The following ARPC1B variants were observed in gnomAD, a reference collection of about 807,000 sequenced individuals.
ARPC1B encodes the protein actin-related protein 2/3 complex subunit 1B.
A neutral mutation model predicts 46.0 loss-of-function variants in ARPC1B; 29 were observed. The ratio of observed to expected loss-of-function variants is 0.63; its 90% CI spans 0.47 to 0.86. ARPC1B has a LOEUF of 0.86. Ranked by LOEUF, ARPC1B falls within the 40% of genes least tolerant of loss-of-function variation. The probability of loss-of-function intolerance (pLI) is 0.00; values close to 1 mark genes in which losing one functional copy is unlikely to be tolerated. For synonymous variants in ARPC1B, 201 were observed against 213.9 expected (o/e 0.94, Z 0.53); for missense variants, 469 against 529.4 (o/e 0.89, Z 1.12).
upstream of ARPC1B, chr7:99,374,283 C>G (rs1021172399): frequency 2.0e-5 from 3 of 152,102 alleles, no homozygotes; most frequent in Admixed American, 2.0e-4. This position sits in a 1 kb window ranked among gnomAD's most constrained non-coding sequence, Gnocchi z 5.0. Flanking sequence ...CCGGCATCAG[C>G]GTGAAGGGAG....
chr7:99,382,346 G>C (rs1028079069), intron 1 of ARPC1B, among the ~76,000 whole-genome samples: 1 of 149,926 alleles, frequency 6.7e-6, no homozygotes, highest in Non-Finnish European at 1.5e-5. Flanking sequence ...AGGTTGGAGT[G>C]AGCCAAGACT....
Position 99,392,660 on chromosome 7 carries a change from C to T in ARPC1B, c.784-11C>T, listed in dbSNP as rs1198786747. ...TCCGCGGCGCTCCAATGGCCCCCGC[C>T]CTCCGCGCAGGGCCACGACTGCTTC... is the stretch of plus-strand genomic sequence containing the variant. On this transcript the variant is annotated splice_polypyrimidine_tract_variant and intron_variant, in intron 7 of 9. Coordinates refer to ENST00000646101, the MANE Select transcript of ARPC1B (RefSeq NM_005720.4). The T allele has an allele frequency of 2.7e-6, 4 of 1,499,624 alleles. No individual in the cohort carries two copies. The highest frequency in any genetic ancestry group is 5.1e-5 in the East Asian group (2 of 38,982). The allele number at this position is 1,499,624 out of a possible 1,614,324, so 92.9% of individuals were successfully genotyped here. A position where few individuals can be genotyped will look rare whatever the true frequency, so the allele number is the denominator to read the frequency against.
At position 99,394,055 on chromosome 7, in the gene ARPC1B, A is replaced by G. The variant is rs202075966; in HGVS notation, c.1016A>G (p.Lys339Arg). Residue 339 changes from lysine (K) to arginine (R), a missense_variant, in exon 9 of 10, where the codon AAG becomes AGG. Transcript: ENST00000646101. ...VSQISVLSGGKAKCSQFCTTG... is the reference protein window; with the variant it reads ...VSQISVLSGGRAKCSQFCTTG... ...CAGATCTCGGTGCTCAGCGGCGGCA[A>G]GGCCAAGTGCTCGCAGTTCTGCACC... The G allele has an allele frequency of 1.8e-5, 29 of 1,613,234 alleles. No individual in the cohort carries two copies. Among genetic ancestry groups the G allele is most frequent in the Admixed American group, 6.7e-5 (4 of 60,018 alleles).
chr7:99,378,720 G>C lies in ARPC1B; in HGVS notation c.-14+3939G>C, dbSNP rs933007901. On this transcript the variant is annotated intron_variant, in intron 1 of 9. Transcript: ENST00000646101. ...GAAAAAGAAAGAAAAATGTGTTGCTGTTTTCTTAGGACCAAATGGGTGTAT... is the reference window on the plus strand; with the variant it reads ...GAAAAAGAAAGAAAAATGTGTTGCTCTTTTCTTAGGACCAAATGGGTGTAT... Among the ~76,000 whole-genome samples the C allele has an allele frequency of 6.1e-5, 9 of 147,718 alleles. No homozygotes were observed. The East Asian group carries it at 1.4e-3, about 23-fold the overall frequency.
chr7:99,380,139 C>T (rs1184859048), intron 1 of ARPC1B, among the ~76,000 whole-genome samples: 2 of 152,118 alleles, frequency 1.3e-5, no homozygotes, highest in South Asian at 2.1e-4. Context: ...AATTGGCAGG[C>T]GGGGGTGAGC....
rs1173864726 is a variant in ARPC1B at position 99,377,636 on chromosome 7, T to C, written c.-14+2855T>C. Among the ~76,000 whole-genome samples, 69 of 150,862 alleles carry C rather than the reference T, an allele frequency of 4.6e-4. No homozygotes were observed. In the East Asian group the frequency reaches 0.01, roughly 23 times the overall value. On this transcript the variant is annotated intron_variant, in intron 1 of 9. Transcript: ENST00000646101. ...CTTCTTCTTCTTCTTCTTCTTCTTT[T>C]TTTTTTTTATTTGGAGGTGGCGGAG...
intron 1 of ARPC1B, among the ~76,000 whole-genome samples, chr7:99,379,314 G>A (rs184388462): frequency 2.6e-5 from 4 of 152,284 alleles, no homozygotes; most frequent in African/African-American, 4.8e-5. Flanking sequence ...TTCACTCTGC[G>A]TGGTTGGTAA....
chr7:99,386,054 C>A (rs1325596583), intron 2 of ARPC1B, among the ~76,000 whole-genome samples: 1 of 152,050 alleles, frequency 6.6e-6, no homozygotes, highest in Non-Finnish European at 1.5e-5. Flanking sequence ...AGTTCCAGAC[C>A]AGCTTGGGCA....
At chr7:99,376,437 C>T (rs1794032459) in intron 1 of ARPC1B, 1 of 152,204 alleles carries the variant, frequency 6.6e-6, no homozygotes, top group African/African-American at 2.4e-5. Context: ...TCATAGTGTT[C>T]CCCCAGGTGA....
intron 1 of ARPC1B, among the ~76,000 whole-genome samples, chr7:99,378,477 G>A (rs1283043024): frequency 2.0e-5 from 3 of 151,638 alleles, no homozygotes; most frequent in Admixed American, 6.6e-5. Flanking sequence ...TCAGGAGTTC[G>A]AGACCAGCCT....
At chr7:99,394,185 T>A in intron 9 of ARPC1B, 66 bp downstream of exon 9, 1 of 1,498,562 alleles carries the variant, frequency 6.7e-7, no homozygotes, top group Non-Finnish European at 9.2e-7. Flanking sequence ...CCATCCCCAC[T>A]CCCTGGAGAT....
intron 8 of ARPC1B, 123 bp downstream of exon 8, chr7:99,392,999 G>A (rs2150898316): frequency 1.2e-5 from 13 of 1,054,768 alleles, no homozygotes; most frequent in African/African-American, 1.7e-5. Flanking sequence ...GAGGACTGGG[G>A]ACCCGGAGGG....
At position 99,394,698 on chromosome 7, in the gene ARPC1B, G is replaced by GAAAA. The variant is rs57668352; in HGVS notation, c.*220_*223dup. 6,634 of 1,154,440 alleles carry GAAAA rather than the reference G, an allele frequency of 5.7e-3. 8 individuals carry two copies. Among genetic ancestry groups the GAAAA allele is most frequent in the African/African-American group, 0.027 (1,446 of 53,006 alleles). 71.5% of individuals were successfully genotyped at this position (1,154,440 alleles called of 1,614,324 possible). On this transcript the variant is annotated 3_prime_UTR_variant, in exon 10 of 10. Coordinates refer to ENST00000646101, the MANE Select transcript of ARPC1B (RefSeq NM_005720.4). The stretch of plus-strand genomic sequence containing the variant: ...TTTTTCTTAAATGCTTTCATTTATT[G>GAAAA]AAAAAAAAAAAAAATGCCCCCAAAG...
rs904495739 is a variant in ARPC1B, at chr7:99,392,832, G to A, written c.945G>A (p.Thr315=). The A allele has an allele frequency of 8.4e-6, 13 of 1,549,984 alleles. No homozygotes were observed. Among genetic ancestry groups the A allele is most frequent in the Admixed American group, 5.9e-5 (3 of 51,004 alleles). The change falls in exon 8 of 10, where the codon ACG becomes ACA. Residue 315 remains threonine (T), a synonymous_variant. Transcript: ENST00000646101. The stretch of plus-strand genomic sequence containing the variant: ...AGAAGGCGAGCTCCGAGGGTGGCAC[G>A]GCTGCGGGCGCGGGCCTAGACTCGC... ...LDKKASSEGG[T]AAGAGLDSLH...
At chr7:99,382,163 C>T (rs917136554) in intron 1 of ARPC1B, among the ~76,000 whole-genome samples, 2 of 152,118 alleles carry the variant, frequency 1.3e-5, no homozygotes, top group Admixed American at 6.6e-5. Flanking sequence ...CCTGGCCAGG[C>T]GCGGTGGCTC....
At position 99,388,028 on chromosome 7, in the gene ARPC1B, TCCCCCCACAGGCATCGACTGGG is replaced by T; in HGVS notation, c.170-5_186del. On this transcript the variant is annotated splice_acceptor_variant and splice_polypyrimidine_tract_variant and coding_sequence_variant and intron_variant, in exon 4 of 10. Coordinates refer to ENST00000646101, the MANE Select transcript of ARPC1B (RefSeq NM_005720.4). LOFTEE classifies it high-confidence loss of function. ...TCATCAGCCTCCTGTGTTCCCTCCA[TCCCCCCACAGGCATCGACTGGG>T]CCCCCGAGAGTAACCGTATTGTGAC... 1 of 1,560,354 alleles carries T rather than the reference TCCCCCCACAGGCATCGACTGGG, an allele frequency of 6.4e-7. No homozygotes were observed. Among genetic ancestry groups the T allele is most frequent in the Non-Finnish European group, 8.8e-7 (1 of 1,134,400 alleles).
rs753117732 is a variant in ARPC1B, at chr7:99,390,932, G to A, written c.540G>A (p.Pro180=). The A allele has an allele frequency of 1.7e-5, 27 of 1,612,396 alleles. No individual in the cohort carries two copies. The highest frequency in any genetic ancestry group is 6.6e-5 in the South Asian group (6 of 91,004). Residue 180 remains proline (P), a synonymous_variant, in exon 6 of 10, where the codon CCG becomes CCA. Transcript: ENST00000646101. ...ACATCAAGGAGGTGGAGGAACGGCC[G>A]GCACCCACCCCGTGGGGCTCCAAGA... ...SAYIKEVEER[P]APTPWGSKMP...
At chr7:99,386,346 G>A (rs1794390468) in intron 2 of ARPC1B, 2 of 472,980 alleles carry the variant, frequency 4.2e-6, no homozygotes, top group South Asian at 3.4e-5. Context: ...GAGACCCAGA[G>A]GGGGAGAGGA....
intron 4 of ARPC1B, chr7:99,388,656 T>TG (rs1794476626): frequency 5.9e-6 from 1 of 169,472 alleles, no homozygotes; most frequent in South Asian, 1.4e-4. Context: ...TTTTTTCAGA[T>TG]GGAGTCTCAC....
Sources: gnomAD v4.1 joint callset for allele counts (sites outside exome capture counted in the v4.1 genomes callset) on GRCh38, gnomAD v4.1.1 for gene constraint, Gnocchi (gnomAD v3.1) non-coding constraint, MANE v1.5 for transcripts, NCBI Gene and HGNC (gene_info 2026-07-23, HGNC 2026-07-21) for gene names.